ZDHHC13: variants seen among roughly 807,000 people sequenced by gnomAD.
ZDHHC13 encodes palmitoyltransferase ZDHHC13.
ZDHHC13 carries 85 observed loss-of-function variants against 86.0 expected under a neutral mutation model. The observed-to-expected ratio is 0.99, with a 90% confidence interval of 0.83 to 1.18. The LOEUF (loss-of-function observed/expected upper bound fraction) is 1.18, where lower values mean the gene tolerates loss of function less well. ZDHHC13 is among the 50% of genes most tolerant of loss of function. The pLI is 0.00. For synonymous variants in ZDHHC13, 263 were observed against 246.4 expected, an observed-to-expected ratio of 1.07 and a Z score of -0.63; for missense variants, 711 against 730.2, an observed-to-expected ratio of 0.97 and a Z score of 0.30.
At chr11:19,158,889 A>G (rs1849830847) in intron 9 of ZDHHC13, 51 bp from the exon 10 acceptor site, 5 of 1,261,634 alleles carry the variant, frequency 4.0e-6, no homozygotes, top group Non-Finnish European at 5.4e-6. Flanking sequence ...ATTTAGAACT[A>G]AAATTAATAC....
chr11:19,158,256 C>T (rs543812265), intron 9 of ZDHHC13, among the ~76,000 whole-genome samples: 14 of 152,194 alleles, frequency 9.2e-5, no homozygotes, highest in African/African-American at 3.4e-4. Flanking sequence ...TTCAGGTAAA[C>T]TATATTCATG....
At chr11:19,148,833 G>T (rs75024585) in intron 4 of ZDHHC13, 7,986 of 160,362 alleles carry the variant, frequency 0.05, 193 homozygotes, top group East Asian at 0.059. Context: ...GGGCATGGTG[G>T]CATGCGCCTG....
At chr11:19,167,112 C>T (rs1850092958) in intron 14 of ZDHHC13, 1 of 152,096 alleles carries the variant, frequency 6.6e-6, no homozygotes, top group Non-Finnish European at 1.5e-5. Flanking sequence ...CTGGAAAAAC[C>T]TATAGTGCTT....
chr11:19,118,618 C>T (rs914517862), intron 1 of ZDHHC13: 1 of 152,190 alleles, frequency 6.6e-6, no homozygotes, highest in African/African-American at 2.4e-5. Context: ...TGTCCCAGTT[C>T]CATGGCCTAT....
chr11:19,135,418 G>C (rs4326774), intron 1 of ZDHHC13, among the ~76,000 whole-genome samples: 1 of 152,054 alleles, frequency 6.6e-6, no homozygotes, highest in Non-Finnish European at 1.5e-5. Context: ...GCTCGGAGGG[G>C]CCTACGCCCA....
intron 14 of ZDHHC13, chr11:19,168,762 C>T: frequency 5.1e-6 from 5 of 978,142 alleles, no homozygotes; most frequent in Non-Finnish European, 6.1e-6. Context: ...CTATACTCTC[C>T]TTCTCATGTG....
intron 4 of ZDHHC13, 57 bp from the exon 5 acceptor site, chr11:19,149,130 C>G: frequency 7.2e-7 from 1 of 1,389,352 alleles, no homozygotes; most frequent in Non-Finnish European, 9.5e-7. Context: ...TCAGTCTCTC[C>G]CTGACTTTTT....
intron 10 of ZDHHC13, among the ~76,000 whole-genome samples, chr11:19,159,299 C>T (rs1849844667): frequency 6.6e-6 from 1 of 151,950 alleles, no homozygotes; most frequent in South Asian, 2.1e-4. Context: ...TATTGTTTTA[C>T]TTGTACCATA....
chr11:19,133,309 C>CCAA (rs914159601), intron 1 of ZDHHC13, among the ~76,000 whole-genome samples: 1 of 151,470 alleles, frequency 6.6e-6, no homozygotes, highest in Non-Finnish European at 1.5e-5. Flanking sequence ...ATCTTCAAAG[C>CCAA]CAACAGTTCC....
chr11:19,170,452 T>G lies in ZDHHC13; in HGVS notation c.1516T>G (p.Leu506Val). 6.5e-7 allele frequency: 1 copy of G among 1,541,100 alleles called. No individual in the cohort carries two copies. Among genetic ancestry groups the G allele is most frequent in the Non-Finnish European group, 8.7e-7 (1 of 1,144,418 alleles). ...HCATTFKEDGLWTYLNQIVAC... is the reference protein window; with the variant it reads ...HCATTFKEDGVWTYLNQIVAC... ...TGCCACAACATTCAAAGAAGATGGA[T>G]TATGGACTTACCTCAATCAGATTGT... is the stretch of plus-strand genomic sequence containing the variant. The change falls in exon 15 of 17, where the codon TTA becomes GTA. Residue 506 changes from leucine (L) to valine (V), a missense_variant. Coordinates refer to ENST00000446113, the MANE Select transcript of ZDHHC13 (RefSeq NM_019028.3).
chr11:19,126,502 A>ATTTT (rs754405966), intron 1 of ZDHHC13, among the ~76,000 whole-genome samples: 7 of 95,114 alleles, frequency 7.4e-5, no homozygotes, highest in African/African-American at 2.5e-4. Context: ...ACCCTGGCTA[A>ATTTT]TTTTTTTTTT....
chr11:19,170,600 G>A, intron 15 of ZDHHC13, 32 bp downstream of exon 15: 1 of 1,494,520 alleles, frequency 6.7e-7, no homozygotes, highest in Middle Eastern at 1.7e-4. Flanking sequence ...ATGGCTTTGA[G>A]TAAAATTTCT....
intron 7 of ZDHHC13, 99 bp downstream of exon 7, chr11:19,152,419 C>T (rs1161036252): frequency 6.8e-7 from 1 of 1,463,072 alleles, no homozygotes; most frequent in African/African-American, 1.4e-5. Context: ...TTCAGTTACC[C>T]CAAGATAGAT....
At chr11:19,148,491 A>G (rs1849527241) in intron 4 of ZDHHC13, 1 of 152,156 alleles carries the variant, frequency 6.6e-6, no homozygotes, top group African/African-American at 2.4e-5. Flanking sequence ...TAGTTTATGA[A>G]TATTATATTT....
chr11:19,152,355 T>C (rs1849634413), intron 7 of ZDHHC13, 35 bp downstream of exon 7: 9 of 1,596,990 alleles, frequency 5.6e-6, no homozygotes, highest in Non-Finnish European at 7.7e-6. Flanking sequence ...TAGTTTATTA[T>C]ATCTTGAGTT....
chr11:19,139,127 C>T (rs1378139606), intron 1 of ZDHHC13, among the ~76,000 whole-genome samples: 2 of 151,940 alleles, frequency 1.3e-5, no homozygotes, highest in African/African-American at 4.8e-5. Context: ...TCAAATTGTC[C>T]CTGTTTGCAG....
At chr11:19,138,291 G>A (rs1373538004) in intron 1 of ZDHHC13, among the ~76,000 whole-genome samples, 23 of 151,848 alleles carry the variant, frequency 1.5e-4, no homozygotes, top group South Asian at 6.2e-4. Context: ...ACACCTCTAC[G>A]CAAATAAACT....
Position 19,154,574 on chromosome 11 carries a change from A to AGTGTTT in ZDHHC13, c.874-1222_874-1221insGTGTTT, listed in dbSNP as rs1849705547. On this transcript the variant is annotated intron_variant, in intron 8 of 16. Coordinates refer to ENST00000446113, the MANE Select transcript of ZDHHC13 (RefSeq NM_019028.3). ...TCATTAAAGACTGCATTGCACAAAC[A>AGTGTTT]TGGGGCCCAGCTTCAATTCAGTCAG... Among the ~76,000 whole-genome samples, 4 of 152,186 alleles carry AGTGTTT rather than the reference A, an allele frequency of 2.6e-5. No homozygotes were observed. In the South Asian group the frequency reaches 8.3e-4, roughly 32 times the overall value.
At chr11:19,138,023 C>T (rs1366414801) in intron 1 of ZDHHC13, among the ~76,000 whole-genome samples, 2 of 150,778 alleles carry the variant, frequency 1.3e-5, no homozygotes, top group African/African-American at 4.9e-5. Context: ...AGAGCAAACA[C>T]ATTCAAAAGC....
Sources: gnomAD v4.1 joint callset for allele counts (sites outside exome capture counted in the v4.1 genomes callset) on GRCh38, gnomAD v4.1.1 for gene constraint, MANE v1.5 for transcripts, NCBI Gene and HGNC (gene_info 2026-07-23, HGNC 2026-07-21) for gene names.